The following ANKRD17 variants were observed in gnomAD, a reference collection of about 807,000 sequenced individuals.
ANKRD17 encodes the protein ankyrin repeat domain-containing protein 17.
ANKRD17 carries 19 observed loss-of-function variants against 229.7 expected under a neutral mutation model. The observed-to-expected ratio is 0.08, with a 90% CI of 0.06 to 0.12. The LOEUF is 0.12. Ranked by LOEUF, ANKRD17 falls within the 10% of genes least tolerant of loss-of-function variation. The pLI is 1.00. For missense variants in ANKRD17, 2,176 were observed against 3,176.8 expected (o/e 0.68, Z 7.57); for synonymous variants, 1,112 against 1,146.1 (o/e 0.97, Z 0.60).
At chr4:73,201,383 T>C (rs887686003) in intron 1 of ANKRD17, among the ~76,000 whole-genome samples, 1 of 151,970 alleles carries the variant, frequency 6.6e-6, no homozygotes, top group Non-Finnish European at 1.5e-5. Flanking sequence ...CACAGTAAGT[T>C]ATATTCCCAA....
chr4:73,197,664 T>C lies in ANKRD17; in HGVS notation c.394-20131A>G, dbSNP rs141138589. ...TGAGCAACATAGCAAGACCCATCTC[T>C]ATTAAAAAAATTTTTTTTTTAATCA... On this transcript the variant is annotated intron_variant, in intron 1 of 33. Coordinates refer to ENST00000358602, the MANE Select transcript of ANKRD17 (RefSeq NM_032217.5). 5.8e-3 allele frequency among the ~76,000 whole-genome samples: 882 copies of C among 152,210 alleles called. 10 individuals are homozygous for C. Among genetic ancestry groups the C allele is most frequent in the Non-Finnish European group, 9.8e-3 (666 of 68,026 alleles).
chr4:73,224,398 A>G (rs1426793708), intron 1 of ANKRD17, among the ~76,000 whole-genome samples: 1 of 152,158 alleles, frequency 6.6e-6, no homozygotes, highest in Non-Finnish European at 1.5e-5. Flanking sequence ...ATGAAATGGG[A>G]TAATATTCAT....
chr4:73,170,372 A>T (rs1560643927), intron 2 of ANKRD17, among the ~76,000 whole-genome samples: 1 of 152,020 alleles, frequency 6.6e-6, no homozygotes, highest in Non-Finnish European at 1.5e-5. Flanking sequence ...CCCTGGAAGG[A>T]TCCATCACCT....
intron 16 of ANKRD17, among the ~76,000 whole-genome samples, chr4:73,134,078 C>T (rs1237020411): frequency 6.6e-6 from 1 of 152,084 alleles, no homozygotes; most frequent in African/African-American, 2.4e-5. Context: ...AAAGTCAGTA[C>T]ATAAAAAACA....
chr4:73,183,788 T>A (rs969893157), intron 1 of ANKRD17, among the ~76,000 whole-genome samples: 5 of 152,062 alleles, frequency 3.3e-5, no homozygotes, highest in African/African-American at 1.2e-4. Flanking sequence ...TTTATACGAG[T>A]CTCTGTACTT....
intron 15 of ANKRD17, 121 bp from the exon 16 acceptor site, chr4:73,135,386 A>G: frequency 1.1e-6 from 1 of 873,226 alleles, no homozygotes; most frequent in Non-Finnish European, 1.6e-6. Flanking sequence ...AGACTACTAT[A>G]GCACTAATAA....
intron 1 of ANKRD17, among the ~76,000 whole-genome samples, chr4:73,179,518 A>ATATATATATATATT (rs1192164276): frequency 9.8e-5 from 4 of 40,776 alleles, no homozygotes; most frequent in African/African-American, 3.7e-4. Flanking sequence ...ATATATATAT[A>ATATATATATATATT]TTTTTTTTTT....
chr4:73,161,170 A>T, intron 3 of ANKRD17, 22 bp downstream of exon 3: 1 of 1,606,562 alleles, frequency 6.2e-7, no homozygotes, highest in Non-Finnish European at 8.5e-7. Context: ...TTTCATACTG[A>T]TGGCAGCAAA....
At chr4:73,191,245 TTTC>T (rs1371194341) in intron 1 of ANKRD17, among the ~76,000 whole-genome samples, 2 of 151,914 alleles carry the variant, frequency 1.3e-5, no homozygotes, top group East Asian at 3.9e-4. Flanking sequence ...AAAGGTAAGA[TTTC>T]AAGTCAGTAG....
intron 8 of ANKRD17, 113 bp downstream of exon 8, chr4:73,148,699 GT>G: frequency 1.1e-6 from 1 of 931,228 alleles, no homozygotes. Flanking sequence ...ACTGGTTTGT[GT>G]AATAGCTCAT....
At chr4:73,209,504 T>G (rs1739967033) in intron 1 of ANKRD17, among the ~76,000 whole-genome samples, 1 of 152,176 alleles carries the variant, frequency 6.6e-6, no homozygotes, top group African/African-American at 2.4e-5. Flanking sequence ...AATGTTTAAT[T>G]GAAAACATTC....
intron 1 of ANKRD17, among the ~76,000 whole-genome samples, chr4:73,190,575 C>CA (rs992168838): frequency 1.2e-3 from 159 of 127,424 alleles, no homozygotes; most frequent in African/African-American, 3.8e-3. Flanking sequence ...AAAAAAAAAA[C>CA]AAAAAAAACC....
intron 1 of ANKRD17, among the ~76,000 whole-genome samples, chr4:73,216,904 T>C (rs942156940): frequency 3.9e-5 from 6 of 152,224 alleles, no homozygotes; most frequent in African/African-American, 1.4e-4. Context: ...AAACACCTTG[T>C]GAAAAGCCAT....
At chr4:73,179,116 C>T (rs977609820) in intron 1 of ANKRD17, among the ~76,000 whole-genome samples, 2 of 151,846 alleles carry the variant, frequency 1.3e-5, no homozygotes, top group Admixed American at 1.3e-4. Flanking sequence ...ATCAAGTAAC[C>T]AGGAATACTG....
In ANKRD17 at chr4:73,101,693, C is replaced by T. The variant is rs188796918; in HGVS notation, c.4573+683G>A. On this transcript the variant is annotated intron_variant, in intron 25 of 33. Coordinates refer to ENST00000358602, the MANE Select transcript of ANKRD17 (RefSeq NM_032217.5). ...AAAAAAAAAAAAAAGGATTTATAGG[C>T]GCAATGTCAGGATGTCTGCAATTCT... Among the ~76,000 whole-genome samples the T allele has an allele frequency of 3.9e-4, 57 of 145,116 alleles. 1 individual carries two copies. Among genetic ancestry groups the T allele is most frequent in the Non-Finnish European group, 5.8e-4 (39 of 66,828 alleles).
At chr4:73,102,579 G>A (rs201695452) in intron 24 of ANKRD17, 32 bp from the exon 25 acceptor site, 36 of 1,576,104 alleles carry the variant, frequency 2.3e-5, no homozygotes, top group African/African-American at 5.5e-5. Context: ...GAAATATAAC[G>A]TTGAAATTTA....
chr4:73,245,710 C>T (rs1218895168), intron 1 of ANKRD17, among the ~76,000 whole-genome samples: 1 of 152,138 alleles, frequency 6.6e-6, no homozygotes, highest in African/African-American at 2.4e-5. Context: ...ACTGATACAT[C>T]ATCCAAGACT....
intron 1 of ANKRD17, among the ~76,000 whole-genome samples, chr4:73,197,715 A>G (rs1034126754): frequency 2.6e-5 from 4 of 152,148 alleles, no homozygotes; most frequent in African/African-American, 9.7e-5. Context: ...ATGCTCCTAT[A>G]GTCCCAGCTA....
intron 2 of ANKRD17, among the ~76,000 whole-genome samples, chr4:73,176,619 A>C (rs891997630): frequency 6.6e-5 from 10 of 152,138 alleles, no homozygotes; most frequent in African/African-American, 2.4e-4. Context: ...AAAAAAAGTT[A>C]GAAAAAATGA....
Sources: gnomAD v4.1 joint callset for allele counts (sites outside exome capture counted in the v4.1 genomes callset) on GRCh38, gnomAD v4.1.1 for gene constraint, MANE v1.5 for transcripts, NCBI Gene and HGNC (gene_info 2026-07-23, HGNC 2026-07-21) for gene names.